The following PCDHGB3 variants were observed in gnomAD, a reference collection of about 807,000 sequenced individuals.
PCDHGB3 encodes protocadherin gamma subfamily B, 3, also known as protocadherin gamma-B3.
In PCDHGB3, 40 loss-of-function variants were observed where a neutral mutation model predicts 59.2. The ratio of observed to expected loss-of-function variants is 0.68; its 90% CI spans 0.52 to 0.88. The LOEUF (loss-of-function observed/expected upper bound fraction) is 0.88. PCDHGB3 is among the 40% of genes least tolerant of loss of function. The pLI, the probability that PCDHGB3 is intolerant of heterozygous loss-of-function variation, is 0.00. For synonymous variants in PCDHGB3, 581 were observed against 503.6 expected, an observed-to-expected ratio of 1.15 and a Z score of -2.06; for missense variants, 1,309 against 1,187.9, an observed-to-expected ratio of 1.10 and a Z score of -1.50.
At chr5:141,381,830 T>C (rs796824162) in intron 1 of PCDHGB3, among the ~76,000 whole-genome samples, 3 of 133,454 alleles carry the variant, frequency 2.2e-5, no homozygotes, top group African/African-American at 9.3e-5. Flanking sequence ...CTTCTTCTTT[T>C]TTTTTTTTTT....
intron 3 of PCDHGB3, among the ~76,000 whole-genome samples, chr5:141,509,568 C>T (rs535982453): frequency 3.3e-5 from 5 of 152,336 alleles, no homozygotes; most frequent in Admixed American, 2.0e-4. Flanking sequence ...GCAGCCTTCA[C>T]AGTGCGTACA....
At chr5:141,503,660 C>A (rs2099827842) in intron 2 of PCDHGB3, among the ~76,000 whole-genome samples, 1 of 150,420 alleles carries the variant, frequency 6.6e-6, no homozygotes, top group Non-Finnish European at 1.5e-5. Flanking sequence ...AACAGAATTA[C>A]AACTCTTCCC....
chr5:141,374,761 C>G, intron 1 of PCDHGB3: 3 of 1,613,458 alleles, frequency 1.9e-6, no homozygotes, highest in South Asian at 1.1e-5. Context: ...CAAGCGTCGC[C>G]CAAATTCTGG....
rs201021035 is a variant in PCDHGB3 at position 141,398,584 on chromosome 5, A to G, written c.2415+25775A>G. 8.7e-5 allele frequency: 141 copies of G among 1,614,066 alleles called. 1 individual carries two copies. In the African/African-American group the frequency reaches 1.0e-3, roughly 12 times the overall value. ...GTCTGCACAGCCTGGCACAAGATTT[A>G]TACTAGAAGTAGCAGAAGATGCAGA... On this transcript the variant is annotated intron_variant, in intron 1 of 3. Transcript: ENST00000576222.
intron 1 of PCDHGB3, chr5:141,384,367 T>G (rs1780005491): frequency 1.2e-6 from 2 of 1,613,766 alleles, no homozygotes; most frequent in African/African-American, 2.7e-5. Flanking sequence ...GATCACTTAT[T>G]CCTTGGCCGA....
chr5:141,458,597 T>C (rs940896214), intron 1 of PCDHGB3, among the ~76,000 whole-genome samples: 18 of 151,988 alleles, frequency 1.2e-4, no homozygotes, highest in Non-Finnish European at 2.4e-4. Context: ...TGGAGACGAG[T>C]CTCACTCTGT....
Position 141,375,311 on chromosome 5 carries a change from C to G in PCDHGB3, c.2415+2502C>G, listed in dbSNP as rs367639660. On this transcript the variant is annotated intron_variant, in intron 1 of 3. Transcript: ENST00000576222. ...TTATCGATTAGTGACAAATGCAGCTCTAGACCGGGAAGAGGTATTCTTGTA... is the reference window on the plus strand; with the variant it reads ...TTATCGATTAGTGACAAATGCAGCTGTAGACCGGGAAGAGGTATTCTTGTA... The G allele has an allele frequency of 2.0e-5, 32 of 1,613,730 alleles. No individual in the cohort carries two copies. The Middle Eastern group carries it at 4.9e-4, about 25-fold the overall frequency.
Position 141,375,503 on chromosome 5 carries a change from G to A in PCDHGB3, c.2415+2694G>A. 1.5e-5 allele frequency: 24 copies of A among 1,613,982 alleles called. 1 individual carries two copies. The highest frequency in any genetic ancestry group is 2.0e-5 in the Non-Finnish European group (24 of 1,179,940). On this transcript the variant is annotated intron_variant, in intron 1 of 3. Transcript: ENST00000576222. ...CCCCAGGGGTGCCTCCATCTTCTCT[G>A]TGAATGCACTGGACCCTGACGTGGA...
chr5:141,416,532 A>T (rs3806830), intron 1 of PCDHGB3: 1 of 152,142 alleles, frequency 6.6e-6, no homozygotes, highest in Non-Finnish European at 1.5e-5. Context: ...TCTTTAATGT[A>T]TAAGGAGGCA....
At chr5:141,443,317 C>CA (rs35054295) in intron 1 of PCDHGB3, among the ~76,000 whole-genome samples, 76,100 of 141,790 alleles carry the variant, frequency 0.54, 21,234 homozygotes, top group African/African-American at 0.75. Flanking sequence ...CCCATCTCTA[C>CA]AAAAAAAAAA....
Position 141,403,685 on chromosome 5 carries a change from C to G in PCDHGB3, c.2415+30876C>G, listed in dbSNP as rs778849334. On this transcript the variant is annotated intron_variant, in intron 1 of 3. Coordinates refer to ENST00000576222, the MANE Select transcript of PCDHGB3 (RefSeq NM_018924.5). ...TGATAATGCCCCGGTTTTTGCTCAA[C>G]GGATTTACCGAGTTAAAGTCCTTGA... 8 of 1,613,704 alleles carry G rather than the reference C, an allele frequency of 5.0e-6. No homozygotes were observed. In the Admixed American group the frequency reaches 1.0e-4, roughly 20 times the overall value.
At chr5:141,507,016 G>C (rs913170594) in intron 3 of PCDHGB3, 1 of 152,166 alleles carries the variant, frequency 6.6e-6, no homozygotes, top group African/African-American at 2.4e-5. Context: ...AACCGAGAAG[G>C]CACTTGCCCC....
intron 2 of PCDHGB3, among the ~76,000 whole-genome samples, chr5:141,498,828 G>C (rs2099786098): frequency 6.6e-6 from 1 of 152,092 alleles, no homozygotes; most frequent in Non-Finnish European, 1.5e-5. Flanking sequence ...AGCTACTCAG[G>C]AGGCTGAGGC....
chr5:141,505,210 A>G (rs899138393), intron 2 of PCDHGB3, among the ~76,000 whole-genome samples, 183 bp from the exon 3 acceptor site: 3 of 152,192 alleles, frequency 2.0e-5, no homozygotes, highest in African/African-American at 7.2e-5. Flanking sequence ...GGTTTGAGGG[A>G]CTGACTTGTG....
At position 141,431,119 on chromosome 5, in the gene PCDHGB3, A is replaced by C. The variant is rs147514897; in HGVS notation, c.2415+58310A>C. 1.2e-6 allele frequency: 2 copies of C among 1,614,134 alleles called. No individual in the cohort carries two copies. The highest frequency in any genetic ancestry group is 2.7e-5 in the African/African-American group (2 of 74,956). ...ATAAAGTGAAAATATATGGAGTAGA[A>C]GTAGAAGTAAGGGACATTAACGACA... On this transcript the variant is annotated intron_variant, in intron 1 of 3. Coordinates refer to ENST00000576222, the MANE Select transcript of PCDHGB3 (RefSeq NM_018924.5). The surrounding 1 kb of genome is among the most constrained non-coding windows in gnomAD (Gnocchi z 4.8).
intron 1 of PCDHGB3, chr5:141,418,597 G>A (rs2096274061): frequency 3.7e-6 from 6 of 1,614,052 alleles, no homozygotes; most frequent in Non-Finnish European, 5.1e-6. Flanking sequence ...GCCAGGACGT[G>A]TACAGGGTTA....
chr5:141,410,640 G>A (rs747132686), intron 1 of PCDHGB3: 1 of 1,599,056 alleles, frequency 6.3e-7, no homozygotes, highest in Non-Finnish European at 8.5e-7. Flanking sequence ...TCTTTTTTGT[G>A]TGTGATTTAT....
intron 1 of PCDHGB3, chr5:141,399,589 A>T: frequency 6.2e-7 from 1 of 1,613,984 alleles, no homozygotes; most frequent in Non-Finnish European, 8.5e-7. Context: ...CTACTCTATC[A>T]TGGCCAGCGA....
At chr5:141,419,796 T>C (rs1334397368) in intron 1 of PCDHGB3, 1 of 1,614,026 alleles carries the variant, frequency 6.2e-7, no homozygotes, top group Admixed American at 1.7e-5. Flanking sequence ...CTAGTCGCTG[T>C]AAGAGATGGA....
Sources: gnomAD v4.1 joint callset for allele counts (sites outside exome capture counted in the v4.1 genomes callset) on GRCh38, gnomAD v4.1.1 for gene constraint, Gnocchi (gnomAD v3.1) non-coding constraint, MANE v1.5 for transcripts, NCBI Gene and HGNC (gene_info 2026-07-23, HGNC 2026-07-21) for gene names.